RBM46: variants seen among roughly 807,000 people sequenced by gnomAD.
RBM46 encodes the protein probable RNA-binding protein 46.
In RBM46, 12 loss-of-function variants were observed where a neutral mutation model predicts 43.3. That is an observed-to-expected ratio of 0.28 (90% confidence interval 0.18 to 0.45). RBM46 has a LOEUF of 0.45. Ranked by LOEUF, RBM46 falls within the 20% of genes least tolerant of loss-of-function variation. The pLI, the probability that RBM46 is intolerant of heterozygous loss-of-function variation, is 1.00. For missense variants in RBM46, 412 were observed against 639.1 expected (o/e 0.64, Z 3.83); for synonymous variants, 205 against 207.6 (o/e 0.99, Z 0.11).
chr4:154,784,017 C>CAAA, intron 1 of RBM46, among the ~76,000 whole-genome samples: 2 of 152,170 alleles, frequency 1.3e-5, no homozygotes, highest in Non-Finnish European at 2.9e-5. Flanking sequence ...ACCTGGCAAC[C>CAAA]ATTGACCTGG....
At chr4:154,824,574 A>G (rs953667320) in intron 4 of RBM46, among the ~76,000 whole-genome samples, 1 of 152,016 alleles carries the variant, frequency 6.6e-6, no homozygotes, top group Non-Finnish European at 1.5e-5. Context: ...ATATTGAGAG[A>G]TTGTCTGGAT....
At position 154,817,579 on chromosome 4, in the gene RBM46, G is replaced by A. The variant is rs565158639; in HGVS notation, c.1403-10289G>A. 4.6e-5 allele frequency among the ~76,000 whole-genome samples: 7 copies of A among 152,106 alleles called. No individual in the cohort carries two copies. The South Asian group carries it at 1.0e-3, about 23-fold the overall frequency. On this transcript the variant is annotated intron_variant, in intron 4 of 4. Transcript: ENST00000281722. The stretch of plus-strand genomic sequence containing the variant: ...ACTCCTGACCTCAGGTGATGTGCCC[G>A]CCTTGGCCTCCCAAAGTGCTGGGAT...
Position 154,828,370 on chromosome 4 carries a change from GTT to G in RBM46, c.*317_*318del, listed in dbSNP as rs34773010. 14,116 of 194,126 alleles carry G rather than the reference GTT, an allele frequency of 0.073. 845 individuals carry two copies. Among genetic ancestry groups the G allele is most frequent in the African/African-American group, 0.22 (8,348 of 38,364 alleles). The allele number at this position is 194,126 out of a possible 1,614,324, so 12.0% of individuals were successfully genotyped here. A position where few individuals can be genotyped will look rare whatever the true frequency, so the allele number is the denominator to read the frequency against. On this transcript the variant is annotated 3_prime_UTR_variant, in exon 5 of 5. Transcript: ENST00000281722. ...TGGGCAATAGAACCTAGTCATTTAT[GTT>G]TTTTTTTTTTTTTGCATAATTTTAC...
intron 4 of RBM46, among the ~76,000 whole-genome samples, chr4:154,821,864 C>T (rs1390579949): frequency 6.6e-6 from 1 of 151,770 alleles, no homozygotes; most frequent in South Asian, 2.1e-4. Flanking sequence ...ATACTAAATA[C>T]TTCCTTGGGA....
intron 1 of RBM46, among the ~76,000 whole-genome samples, chr4:154,796,375 A>G (rs1734351711): frequency 6.6e-6 from 1 of 152,170 alleles, no homozygotes; most frequent in African/African-American, 2.4e-5. Flanking sequence ...ATTTTGGGCT[A>G]TGTAGATTGG....
Position 154,799,564 on chromosome 4 carries a change from G to T in RBM46, c.1402G>T (p.Asp468Tyr), listed in dbSNP as rs144413126. ...LAAQFTLLHLDYNFHRSSINS... is the reference protein window; with the variant it reads ...LAAQFTLLHLYYNFHRSSINS... ...AGCCCAGTTTACATTACTTCATTTGGGTAAGTTTAAAAATACTTTAAATGA... is the reference window on the plus strand; with the variant it reads ...AGCCCAGTTTACATTACTTCATTTGTGTAAGTTTAAAAATACTTTAAATGA... The change falls in exon 4 of 5, where the codon GAC becomes TAC. Residue 468 changes from aspartate to tyrosine, a missense_variant and splice_region_variant. Physicochemically the swap from Asp to Tyr is radical, Grantham distance 160. Coordinates refer to ENST00000281722, the MANE Select transcript of RBM46 (RefSeq NM_144979.5). The T allele has an allele frequency of 1.6e-5, 24 of 1,509,834 alleles. No individual in the cohort carries two copies. Among genetic ancestry groups the T allele is most frequent in the Non-Finnish European group, 2.1e-5 (24 of 1,130,560 alleles). The allele number at this position is 1,509,834 out of a possible 1,614,324, so 93.5% of individuals were successfully genotyped here.
chr4:154,791,140 A>G (rs1174716073), intron 1 of RBM46, among the ~76,000 whole-genome samples: 9 of 152,364 alleles, frequency 5.9e-5, no homozygotes, highest in Admixed American at 2.6e-4. Context: ...GCTAAGGACA[A>G]TTAGGGTATC....
At chr4:154,797,703 AT>A (rs1734422235) in intron 2 of RBM46, 107 bp from the exon 3 acceptor site, 1 of 662,568 alleles carries the variant, frequency 1.5e-6, no homozygotes, top group Non-Finnish European at 2.5e-6. Flanking sequence ...AATACCTAGA[AT>A]TGTGAGTGGC....
At chr4:154,791,415 G>C (rs1734086210) in intron 1 of RBM46, among the ~76,000 whole-genome samples, 1 of 152,154 alleles carries the variant, frequency 6.6e-6, no homozygotes, top group South Asian at 2.1e-4. Flanking sequence ...CCAGCACTTT[G>C]AGAGGCCAAG....
intron 4 of RBM46, among the ~76,000 whole-genome samples, chr4:154,812,835 A>G (rs1448080227): frequency 3.9e-5 from 6 of 152,192 alleles, no homozygotes; most frequent in Admixed American, 2.0e-4. Flanking sequence ...TGGTAGGTCT[A>G]GGCCTTTCCC....
chr4:154,789,588 G>A (rs1733972885), intron 1 of RBM46, among the ~76,000 whole-genome samples: 1 of 152,188 alleles, frequency 6.6e-6, no homozygotes, highest in African/African-American at 2.4e-5. Flanking sequence ...GTATTTTAGT[G>A]AGGATTTTTG....
At chr4:154,827,159 A>G in intron 4 of RBM46, 1 of 918,186 alleles carries the variant, frequency 1.1e-6, no homozygotes, top group Non-Finnish European at 1.3e-6. Flanking sequence ...ATTGTGAAAC[A>G]GTATTTCAAA....
intron 4 of RBM46, among the ~76,000 whole-genome samples, chr4:154,813,424 A>G (rs1735280706): frequency 6.6e-6 from 1 of 152,090 alleles, no homozygotes; most frequent in Non-Finnish European, 1.5e-5. Context: ...TATTATATAT[A>G]TGTATATAAA....
At chr4:154,797,292 T>C (rs1734403224) in intron 2 of RBM46, among the ~76,000 whole-genome samples, 1 of 152,152 alleles carries the variant, frequency 6.6e-6, no homozygotes, top group Non-Finnish European at 1.5e-5. Context: ...AATGTTCGAC[T>C]TTTCTACCAA....
At chr4:154,804,028 C>G (rs776940094) in intron 4 of RBM46, among the ~76,000 whole-genome samples, 1 of 152,194 alleles carries the variant, frequency 6.6e-6, no homozygotes, top group Non-Finnish European at 1.5e-5. Context: ...CGCTGTCTTG[C>G]TCCTGCTCTT....
chr4:154,827,673 A>G, intron 4 of RBM46, 195 bp from the exon 5 acceptor site: 1 of 1,406,668 alleles, frequency 7.1e-7, no homozygotes, highest in South Asian at 1.6e-5. Context: ...AAGGAAAGGT[A>G]ATACTGACAA....
Position 154,787,192 on chromosome 4 carries a change from A to C in RBM46, c.-12+5756A>C, listed in dbSNP as rs191362351. On this transcript the variant is annotated intron_variant, in intron 1 of 4. Coordinates refer to ENST00000281722, the MANE Select transcript of RBM46 (RefSeq NM_144979.5). ...CAGTTTAATATCTGATATGTCTTCT[A>C]TCTGAGGACAAATTTTTTTTTTAAT... The C allele has an allele frequency of 3.9e-5, 6 of 152,220 alleles. No individual in the cohort carries two copies. In the East Asian group the frequency reaches 1.2e-3, roughly 29 times the overall value. The allele number at this position is 152,220 out of a possible 1,614,324, so 9.4% of individuals were successfully genotyped here. A position where few individuals can be genotyped will look rare whatever the true frequency, so the allele number is the denominator to read the frequency against.
chr4:154,817,945 A>C (rs1345086824), intron 4 of RBM46, among the ~76,000 whole-genome samples: 1 of 151,998 alleles, frequency 6.6e-6, no homozygotes, highest in Non-Finnish European at 1.5e-5. Context: ...TTCCTAACTT[A>C]CTGAAGTCTA....
chr4:154,793,116 T>G (rs112874674), intron 1 of RBM46, among the ~76,000 whole-genome samples: 6 of 152,346 alleles, frequency 3.9e-5, no homozygotes, highest in African/African-American at 1.4e-4. Context: ...ACACAGTTGA[T>G]ATGAAAGTAA....
Sources: allele counts gnomAD v4.1 joint callset (sites outside exome capture counted in the v4.1 genomes callset), GRCh38; gene constraint gnomAD v4.1.1; transcripts MANE v1.5; gene names NCBI Gene and HGNC (gene_info 2026-07-23, HGNC 2026-07-21).